MAPK10: variants seen among roughly 807,000 people sequenced by gnomAD.
The protein encoded by MAPK10 is mitogen-activated protein kinase 10, also known as JNK3 alpha protein kinase.
MAPK10 carries 25 observed loss-of-function variants against 59.3 expected under a neutral mutation model. The ratio of observed to expected loss-of-function variants is 0.42; its 90% CI spans 0.31 to 0.59. The LOEUF (loss-of-function observed/expected upper bound fraction) is 0.59. MAPK10 is among the 20% of genes least tolerant of loss of function. MAPK10 has a pLI of 0.15. For synonymous variants in MAPK10, 190 were observed against 200.5 expected (o/e 0.95, Z 0.44); for missense variants, 351 against 568.9 (o/e 0.62, Z 3.90).
chr4:86,459,060 G>C (rs1579293238), intron 1 of MAPK10, among the ~76,000 whole-genome samples: 1 of 151,436 alleles, frequency 6.6e-6, no homozygotes, highest in East Asian at 1.9e-4. Flanking sequence ...AAACAAATTA[G>C]CAAGAAAAAA....
At chr4:86,266,535 A>G (rs2094244400) in intron 2 of MAPK10, among the ~76,000 whole-genome samples, 1 of 152,182 alleles carries the variant, frequency 6.6e-6, no homozygotes, top group Non-Finnish European at 1.5e-5. Flanking sequence ...CCAAATAGAT[A>G]TTTCCTACTT....
intron 1 of MAPK10, among the ~76,000 whole-genome samples, chr4:86,450,042 A>C (rs1750521961): frequency 6.6e-6 from 1 of 152,242 alleles, no homozygotes; most frequent in African/African-American, 2.4e-5. Context: ...GGGAAACTCT[A>C]AGCAGAGGAA....
At chr4:86,501,037 T>A (rs767373421) in intron 1 of MAPK10, among the ~76,000 whole-genome samples, 17 of 146,628 alleles carry the variant, frequency 1.2e-4, no homozygotes, top group Non-Finnish European at 2.2e-4. Context: ...GATACTTTGG[T>A]AAACATATGA....
At chr4:86,128,664 T>C (rs1283445456) in intron 4 of MAPK10, among the ~76,000 whole-genome samples, 1 of 152,148 alleles carries the variant, frequency 6.6e-6, no homozygotes. Context: ...AATACAATTA[T>C]AATCTTGTTG....
At chr4:86,319,192 G>T (rs1460205142) in intron 2 of MAPK10, among the ~76,000 whole-genome samples, 1 of 152,144 alleles carries the variant, frequency 6.6e-6, no homozygotes, top group African/African-American at 2.4e-5. Context: ...GTGGACCTGG[G>T]AGGTGAGAAC....
intron 1 of MAPK10, among the ~76,000 whole-genome samples, chr4:86,546,265 C>T (rs981302795): frequency 5.0e-5 from 7 of 138,908 alleles, no homozygotes; most frequent in South Asian, 2.4e-4. Context: ...TTCAAGATGG[C>T]GGCTGGGTGC....
chr4:86,494,475 T>G (rs1754712816), intron 1 of MAPK10, among the ~76,000 whole-genome samples: 1 of 152,096 alleles, frequency 6.6e-6, no homozygotes. Context: ...TGAGAAGACT[T>G]AAAACCTGGA....
chr4:86,592,395 G>A (rs150099953), intron 1 of MAPK10, among the ~76,000 whole-genome samples: 5,042 of 151,928 alleles, frequency 0.033, 120 homozygotes, highest in Non-Finnish European at 0.054. Flanking sequence ...AAGGAAAAAA[G>A]CTAACAACAC....
intron 1 of MAPK10, among the ~76,000 whole-genome samples, chr4:86,546,458 G>T (rs1391614592): frequency 6.6e-6 from 1 of 151,744 alleles, no homozygotes; most frequent in East Asian, 1.9e-4. Flanking sequence ...TCAGGAGGCT[G>T]AGGCAGGAGA....
intron 2 of MAPK10, among the ~76,000 whole-genome samples, chr4:86,255,145 T>A (rs1170106905): frequency 6.6e-6 from 1 of 151,956 alleles, no homozygotes; most frequent in African/African-American, 2.4e-5. Context: ...ATCGAGGGTA[T>A]GGTGGGTAGA....
At chr4:86,518,172 T>A (rs1756842258) in intron 1 of MAPK10, among the ~76,000 whole-genome samples, 1 of 152,144 alleles carries the variant, frequency 6.6e-6, no homozygotes, top group Non-Finnish European at 1.5e-5. Context: ...ACAGGCATGC[T>A]CCACTATACC....
At chr4:86,422,883 G>A (rs569011854) in intron 1 of MAPK10, among the ~76,000 whole-genome samples, 1 of 152,194 alleles carries the variant, frequency 6.6e-6, no homozygotes, top group Admixed American at 6.5e-5. Context: ...AACACATTAA[G>A]GAGAGCACAA....
intron 3 of MAPK10, among the ~76,000 whole-genome samples, chr4:86,168,744 C>G (rs1040851976): frequency 2.6e-5 from 4 of 152,200 alleles, no homozygotes; most frequent in South Asian, 4.2e-4. Context: ...GATCTGAGAA[C>G]GGGCAGACTG....
intron 2 of MAPK10, among the ~76,000 whole-genome samples, chr4:86,234,230 T>C (rs534735696): frequency 4.5e-4 from 68 of 152,208 alleles, no homozygotes; most frequent in African/African-American, 1.3e-3. Flanking sequence ...TACAGCATCA[T>C]AGAGACAAAA....
chr4:86,040,335 A>G (rs1210189068), intron 11 of MAPK10, among the ~76,000 whole-genome samples: 1 of 152,182 alleles, frequency 6.6e-6, no homozygotes, highest in Non-Finnish European at 1.5e-5. Flanking sequence ...AAAGACAAAG[A>G]GAAATCCTAT....
At chr4:86,064,546 C>T in intron 10 of MAPK10, 156 bp from the exon 11 acceptor site, 1 of 679,550 alleles carries the variant, frequency 1.5e-6, no homozygotes, top group Non-Finnish European at 2.5e-6. Flanking sequence ...ATGCATTTTA[C>T]ACCTGTTTCT....
intron 1 of MAPK10, among the ~76,000 whole-genome samples, chr4:86,366,443 G>A (rs1446609575): frequency 6.6e-6 from 1 of 151,992 alleles, no homozygotes; most frequent in East Asian, 1.9e-4. Context: ...TTTCCTCTTG[G>A]GAAAGAGGAA....
At chr4:86,388,671 T>C (rs1325142036) in intron 1 of MAPK10, among the ~76,000 whole-genome samples, 3 of 152,170 alleles carry the variant, frequency 2.0e-5, no homozygotes, top group Non-Finnish European at 4.4e-5. Flanking sequence ...AGGATGGCGA[T>C]TGAATCCATG....
chr4:86,273,713 A>G (rs1340445182), intron 2 of MAPK10, among the ~76,000 whole-genome samples: 1 of 151,918 alleles, frequency 6.6e-6, no homozygotes, highest in Non-Finnish European at 1.5e-5. Context: ...CCCCTCCCTC[A>G]TACTCCTTTC....
Sources: allele counts gnomAD v4.1 joint callset (sites outside exome capture counted in the v4.1 genomes callset), GRCh38; gene constraint gnomAD v4.1.1; transcripts MANE v1.5; gene names NCBI Gene and HGNC (gene_info 2026-07-23, HGNC 2026-07-21).